Variants in DCLK1 observed in about 807,000 individuals in gnomAD.
DCLK1 encodes serine/threonine-protein kinase DCLK1.
A neutral mutation model predicts 86.2 loss-of-function variants in DCLK1; 16 were observed. The ratio of observed to expected loss-of-function variants is 0.19; its 90% CI spans 0.13 to 0.28. The LOEUF (loss-of-function observed/expected upper bound fraction) is 0.28. Ranked by LOEUF, DCLK1 falls within the 10% of genes least tolerant of loss-of-function variation. The pLI is 1.00. For missense variants in DCLK1, 590 were observed against 940.2 expected (o/e 0.63, Z 4.87); for synonymous variants, 369 against 370.5 (o/e 1.00, Z 0.05).
rs920303896 is a variant in DCLK1, at chr13:35,772,670, G to C, written c.*1865C>G. ...TTATCACTTCCGGATGCTCTAAAAG[G>C]GGGGGAAAAAAACCTCAATAAACGA... On this transcript the variant is annotated 3_prime_UTR_variant, in exon 17 of 17. Coordinates refer to ENST00000360631, the MANE Select transcript of DCLK1 (RefSeq NM_001330071.2). 7.0e-6 allele frequency: 1 copy of C among 142,310 alleles called. No individual in the cohort carries two copies. The highest frequency in any genetic ancestry group is 1.5e-5 in the Non-Finnish European group (1 of 66,144). 8.8% of individuals were successfully genotyped at this position (142,310 alleles called of 1,614,324 possible). A position where few individuals can be genotyped will look rare whatever the true frequency, so the allele number is the denominator to read the frequency against.
At chr13:35,973,099 G>C (rs1305639737) in intron 3 of DCLK1, among the ~76,000 whole-genome samples, 4 of 152,202 alleles carry the variant, frequency 2.6e-5, no homozygotes, top group Non-Finnish European at 4.4e-5. Flanking sequence ...AATGAGGATG[G>C]CAGGTGAGGG....
chr13:35,923,227 A>C (rs1298049818), intron 4 of DCLK1, among the ~76,000 whole-genome samples: 3 of 152,030 alleles, frequency 2.0e-5, no homozygotes, highest in African/African-American at 4.8e-5. Context: ...AAAGCAACTG[A>C]TGGGGACTTT....
chr13:35,930,349 C>T (rs1876360205), intron 4 of DCLK1, among the ~76,000 whole-genome samples: 1 of 152,208 alleles, frequency 6.6e-6, no homozygotes, highest in African/African-American at 2.4e-5. Context: ...AAGGAAAGTC[C>T]TGAAGTTCCC....
intron 3 of DCLK1, among the ~76,000 whole-genome samples, chr13:36,021,676 G>A (rs1305111347): frequency 1.3e-5 from 2 of 151,964 alleles, no homozygotes; most frequent in Non-Finnish European, 2.9e-5. Context: ...AACGACAAAG[G>A]GTCAATCCAT....
Position 35,839,119 on chromosome 13 carries a change from T to A in DCLK1, c.1093A>T (p.Met365Leu), listed in dbSNP as rs1437584784. Residue 365 changes from methionine to leucine, a missense_variant, in exon 7 of 17, where the codon ATG becomes TTG. Coordinates refer to ENST00000360631, the MANE Select transcript of DCLK1 (RefSeq NM_001330071.2). The part of the protein sequence containing the change: ...SLASTKVCSS[M>L]DENDGPGEEV... The stretch of plus-strand genomic sequence containing the variant: ...TCTCCAGGGCCATCGTTCTCATCCA[T>A]CGAGCTGCAGACTTTGGTGGACGCA... 2 of 1,600,078 alleles carry A rather than the reference T, an allele frequency of 1.2e-6. No homozygotes were observed. Among genetic ancestry groups the A allele is most frequent in the Admixed American group, 3.5e-5 (2 of 57,926 alleles).
intron 3 of DCLK1, among the ~76,000 whole-genome samples, chr13:35,959,463 G>C (rs1421492311): frequency 1.3e-5 from 2 of 152,064 alleles, no homozygotes; most frequent in African/African-American, 4.8e-5. Flanking sequence ...CCTATAAATG[G>C]GGCAGCTCAA....
At chr13:35,775,161 G>C (rs554852534) in intron 16 of DCLK1, among the ~76,000 whole-genome samples, 1 of 152,088 alleles carries the variant, frequency 6.6e-6, no homozygotes, top group African/African-American at 2.4e-5. Flanking sequence ...ACATGGAAAC[G>C]GAGCCACGGC....
intron 3 of DCLK1, among the ~76,000 whole-genome samples, chr13:35,954,221 A>T (rs1539550): frequency 0.6 from 89,686 of 149,320 alleles, 28,810 homozygotes; most frequent in Non-Finnish European, 0.71. Flanking sequence ...CTTTTTTTTT[A>T]AAAAAAAATC....
At chr13:36,076,989 TG>T (rs1371554937) in intron 3 of DCLK1, among the ~76,000 whole-genome samples, 9 of 151,990 alleles carry the variant, frequency 5.9e-5, no homozygotes, top group African/African-American at 2.2e-4. Flanking sequence ...ATGCCCCCAG[TG>T]GAAAGCTGGA....
chr13:35,958,136 A>AATCACC (rs1277199115), intron 3 of DCLK1, among the ~76,000 whole-genome samples: 2 of 11,292 alleles, frequency 1.8e-4, no homozygotes, highest in African/African-American at 9.0e-4. Flanking sequence ...CCACTACTAT[A>AATCACC]ACCACCACCA....
chr13:35,803,741 C>G (rs1022586792), intron 15 of DCLK1, among the ~76,000 whole-genome samples: 3 of 152,180 alleles, frequency 2.0e-5, no homozygotes, highest in African/African-American at 7.2e-5. Context: ...ACAAATCACT[C>G]GACTACTCAC....
At chr13:35,793,582 A>C (rs1490830199) in intron 15 of DCLK1, 103 bp from the exon 16 acceptor site, 3 of 862,854 alleles carry the variant, frequency 3.5e-6, no homozygotes, top group Non-Finnish European at 3.5e-6. Context: ...TAGAATTCAT[A>C]AGATGTCAGA....
intron 4 of DCLK1, among the ~76,000 whole-genome samples, chr13:35,931,832 G>A (rs796137637): frequency 3.9e-5 from 6 of 152,216 alleles, no homozygotes; most frequent in African/African-American, 1.4e-4. Flanking sequence ...CTACATTCAT[G>A]GTACCCTGAT....
At chr13:36,058,430 G>C (rs766474324) in intron 3 of DCLK1, among the ~76,000 whole-genome samples, 9 of 152,208 alleles carry the variant, frequency 5.9e-5, no homozygotes, top group Non-Finnish European at 1.2e-4. Context: ...TCAGGACTGA[G>C]AGGGAGATCT....
intron 7 of DCLK1, among the ~76,000 whole-genome samples, chr13:35,838,666 G>A (rs1869572767): frequency 6.6e-6 from 1 of 152,112 alleles, no homozygotes; most frequent in Non-Finnish European, 1.5e-5. Context: ...TTCATGTATT[G>A]AGTTCACTTA....
At position 36,021,933 on chromosome 13, in the gene DCLK1, A is replaced by C. The variant is rs1208013298; in HGVS notation, c.724-74476T>G. Among the ~76,000 whole-genome samples the C allele has an allele frequency of 4.6e-5, 7 of 152,242 alleles. No homozygotes were observed. In the East Asian group the frequency reaches 1.4e-3, roughly 29 times the overall value. ...AACTATATAGTACAGCCCACCCAAC[A>C]AAAGCAGAATACACATTCTTCTCAA... On this transcript the variant is annotated intron_variant, in intron 3 of 16. Transcript: ENST00000360631.
chr13:36,006,716 C>T (rs528409352), intron 3 of DCLK1, among the ~76,000 whole-genome samples: 35 of 152,228 alleles, frequency 2.3e-4, no homozygotes, highest in African/African-American at 6.7e-4. Flanking sequence ...TTTGGGGTGG[C>T]CTAGATCCAG....
At chr13:35,806,548 A>T (rs2087031028) in intron 14 of DCLK1, among the ~76,000 whole-genome samples, 1 of 152,214 alleles carries the variant, frequency 6.6e-6, no homozygotes, top group African/African-American at 2.4e-5. Flanking sequence ...AAATGGTTAG[A>T]TATGCATTAT....
chr13:35,864,494 G>A (rs1315337284), intron 5 of DCLK1, among the ~76,000 whole-genome samples: 1 of 74,494 alleles, frequency 1.3e-5, no homozygotes, highest in East Asian at 3.5e-4. Context: ...GAACCCGGGA[G>A]GCGGAGCTTG....
Sources: allele counts gnomAD v4.1 joint callset (sites outside exome capture counted in the v4.1 genomes callset), GRCh38; gene constraint gnomAD v4.1.1; transcripts MANE v1.5; gene names NCBI Gene and HGNC (gene_info 2026-07-23, HGNC 2026-07-21).